The following AIM2 variants were observed in gnomAD, a reference collection of about 807,000 sequenced individuals.
AIM2 encodes absent in melanoma 2, also known as interferon-inducible protein AIM2.
A neutral mutation model predicts 27.7 loss-of-function variants in AIM2; 30 were observed. That is an observed-to-expected ratio of 1.08 (90% confidence interval 0.81 to 1.47). AIM2 has a LOEUF of 1.47. Ranked by LOEUF, AIM2 falls within the 40% of genes most tolerant of loss-of-function variation. The pLI, the probability that AIM2 is intolerant of heterozygous loss-of-function variation, is 0.00. For missense variants in AIM2, 358 were observed against 411.3 expected (o/e 0.87, Z 1.12); for synonymous variants, 141 against 145.3 (o/e 0.97, Z 0.21).
At chr1:159,064,371 A>G (rs1280322573) in intron 4 of AIM2, among the ~76,000 whole-genome samples, 1 of 152,206 alleles carries the variant, frequency 6.6e-6, no homozygotes, top group African/African-American at 2.4e-5. Flanking sequence ...AGAAGCAACA[A>G]CTGCTGGATA....
At chr1:159,100,317 T>C (rs1657284943) in intron 1 of AIM2, among the ~76,000 whole-genome samples, 2 of 152,226 alleles carry the variant, frequency 1.3e-5, no homozygotes, top group Admixed American at 6.5e-5. Context: ...CCATTTGTGT[T>C]GGGAAATGAT....
chr1:159,094,432 C>T lies in AIM2; in HGVS notation c.-15-28103G>A, dbSNP rs186389361. Reference sequence around the variant, plus strand: ...GAAATCAAGGCCAGGTGCAGTGGCTCATGCCTGTAATTCCAGCACTTTGAG... The same window carrying T: ...GAAATCAAGGCCAGGTGCAGTGGCTTATGCCTGTAATTCCAGCACTTTGAG... On this transcript the variant is annotated intron_variant, in intron 1 of 2. Coordinates refer to the AIM2 transcript ENST00000368129. Among the ~76,000 whole-genome samples, 3 of 152,314 alleles carry T rather than the reference C, an allele frequency of 2.0e-5. No homozygotes were observed. In the East Asian group the frequency reaches 5.8e-4, roughly 29 times the overall value.
At chr1:159,138,871 T>A (rs1050218561) in intron 1 of AIM2, among the ~76,000 whole-genome samples, 1 of 152,244 alleles carries the variant, frequency 6.6e-6, no homozygotes, top group Non-Finnish European at 1.5e-5. Context: ...AGCTCCAGCA[T>A]CTCTGAAGTA....
At chr1:159,119,726 T>C (rs1241369364) in intron 1 of AIM2, among the ~76,000 whole-genome samples, 1 of 152,102 alleles carries the variant, frequency 6.6e-6, no homozygotes, top group African/African-American at 2.4e-5. Flanking sequence ...CTAAGTTCTT[T>C]CATTGGACAG....
intron 3 of AIM2, among the ~76,000 whole-genome samples, chr1:159,066,613 T>C (rs1176151613): frequency 2.0e-5 from 3 of 152,230 alleles, no homozygotes; most frequent in Admixed American, 2.0e-4. Context: ...GTACTATATA[T>C]AAAGACTTCA....
chr1:159,086,983 T>C (rs1367383418), intron 1 of AIM2, among the ~76,000 whole-genome samples: 1 of 152,174 alleles, frequency 6.6e-6, no homozygotes, highest in Non-Finnish European at 1.5e-5. Context: ...TATAAAATAA[T>C]TGCAAACTCA....
chr1:159,140,145 T>C (rs1209330633), intron 1 of AIM2, among the ~76,000 whole-genome samples: 2 of 151,880 alleles, frequency 1.3e-5, no homozygotes, highest in Non-Finnish European at 2.9e-5. Flanking sequence ...AACAAAAGGC[T>C]CCAGGAAAGA....
At chr1:159,075,052 T>C (rs2101990060) in intron 1 of AIM2, among the ~76,000 whole-genome samples, 1 of 152,300 alleles carries the variant, frequency 6.6e-6, no homozygotes, top group South Asian at 2.1e-4. Flanking sequence ...TAGGTATCAA[T>C]ACTTACTACA....
intron 1 of AIM2, among the ~76,000 whole-genome samples, chr1:159,085,483 G>A (rs574635521): frequency 5.3e-4 from 80 of 152,172 alleles, no homozygotes; most frequent in Non-Finnish European, 1.0e-3. Flanking sequence ...CAAAGTAAGT[G>A]AGGAAAATGT....
At chr1:159,072,968 A>G (rs1436812188) in intron 2 of AIM2, among the ~76,000 whole-genome samples, 1 of 152,236 alleles carries the variant, frequency 6.6e-6, no homozygotes, top group Non-Finnish European at 1.5e-5. Context: ...GGAGACAAAG[A>G]TGGGCAAGGA....
At chr1:159,092,818 G>A (rs1657076658) in intron 1 of AIM2, among the ~76,000 whole-genome samples, 1 of 152,062 alleles carries the variant, frequency 6.6e-6, no homozygotes, top group Non-Finnish European at 1.5e-5. Flanking sequence ...GAGGTCAGGA[G>A]TTCGAAACCA....
intron 1 of AIM2, among the ~76,000 whole-genome samples, chr1:159,107,668 T>C (rs1657479930): frequency 6.6e-6 from 1 of 152,104 alleles, no homozygotes; most frequent in African/African-American, 2.4e-5. Context: ...TTAGCAAGAT[T>C]AACCAAGGAA....
chr1:159,058,807 G>C (rs1257774585), downstream of AIM2, among the ~76,000 whole-genome samples: 1 of 152,150 alleles, frequency 6.6e-6, no homozygotes, highest in African/African-American at 2.4e-5. Flanking sequence ...CATGAAGCAT[G>C]AGGAGGGCAG....
upstream of AIM2, among the ~76,000 whole-genome samples, chr1:159,079,532 T>C (rs1656724214): frequency 6.6e-6 from 1 of 152,202 alleles, no homozygotes; most frequent in Non-Finnish European, 1.5e-5. Flanking sequence ...TTGCATTTTT[T>C]TTCCAGTTTT....
chr1:159,092,263 G>T (rs555022326), intron 1 of AIM2, among the ~76,000 whole-genome samples: 2 of 152,282 alleles, frequency 1.3e-5, no homozygotes, highest in East Asian at 3.9e-4. Flanking sequence ...TCACCATGTT[G>T]CATAAGCTGA....
chr1:159,069,338 T>C (rs1656251096), intron 2 of AIM2, among the ~76,000 whole-genome samples: 1 of 152,100 alleles, frequency 6.6e-6, no homozygotes, highest in African/African-American at 2.4e-5. Context: ...AAGATAAGTA[T>C]ATAAGGCTTA....
chr1:159,105,479 C>A (rs1274222029), intron 1 of AIM2, among the ~76,000 whole-genome samples: 1 of 152,178 alleles, frequency 6.6e-6, no homozygotes, highest in East Asian at 1.9e-4. Flanking sequence ...GTCCTGAATT[C>A]TTGCCCCATG....
At chr1:159,080,244 T>C (rs113189774), upstream of AIM2, among the ~76,000 whole-genome samples, 2,069 of 152,326 alleles carry the variant, frequency 0.014, 60 homozygotes, top group African/African-American at 0.046. Context: ...AGAGTATGTT[T>C]AGTCTTGTAA....
At chr1:159,077,210 A>C (rs1313085479), upstream of AIM2, among the ~76,000 whole-genome samples, 1 of 150,548 alleles carries the variant, frequency 6.6e-6, no homozygotes. Context: ...GAGTGCAGGC[A>C]CTCAAAGATT....
Sources: gnomAD v4.1 joint callset for allele counts (sites outside exome capture counted in the v4.1 genomes callset) on GRCh38, gnomAD v4.1.1 for gene constraint, MANE v1.5 for transcripts, NCBI Gene and HGNC (gene_info 2026-07-23, HGNC 2026-07-21) for gene names.